The following EYS variants were observed in gnomAD, a reference collection of about 807,000 sequenced individuals.
The protein encoded by EYS is protein eyes shut homolog.
In EYS, 250 loss-of-function variants were observed where a neutral mutation model predicts 282.1. That is an observed-to-expected ratio of 0.89 (90% CI 0.80 to 0.98). The LOEUF (loss-of-function observed/expected upper bound fraction) is 0.98, where lower values mean the gene tolerates loss of function less well. Among genes scored for constraint, EYS ranks in the 50% least tolerant of loss-of-function variants. EYS has a pLI of 0.00. For missense variants in EYS, 4,016 were observed against 3,709.0 expected (o/e 1.08, Z -2.15); for synonymous variants, 1,355 against 1,282.9 (o/e 1.06, Z -1.20).
intron 29 of EYS, among the ~76,000 whole-genome samples, chr6:64,313,114 C>T (rs1392333692): frequency 2.0e-5 from 3 of 152,142 alleles, no homozygotes; most frequent in Non-Finnish European, 4.4e-5. Context: ...TAACACAATG[C>T]AAGGAAGCTA....
intron 12 of EYS, among the ~76,000 whole-genome samples, chr6:65,107,401 C>A (rs1219928589): frequency 6.6e-6 from 1 of 150,914 alleles, no homozygotes; most frequent in African/African-American, 2.4e-5. Context: ...ATAACACCTA[C>A]AATATAATTG....
chr6:64,920,528 C>G (rs934686730), intron 15 of EYS, among the ~76,000 whole-genome samples: 8 of 151,888 alleles, frequency 5.3e-5, no homozygotes, highest in African/African-American at 1.7e-4. Context: ...ATCTTTGTAG[C>G]AAGTCCAAGT....
At chr6:65,231,609 T>C (rs571096885) in intron 12 of EYS, among the ~76,000 whole-genome samples, 1 of 151,982 alleles carries the variant, frequency 6.6e-6, no homozygotes, top group East Asian at 1.9e-4. Flanking sequence ...AGGATAAATG[T>C]GCTATCAAGG....
At chr6:64,141,744 G>A (rs1379459169) in intron 31 of EYS, among the ~76,000 whole-genome samples, 1 of 152,034 alleles carries the variant, frequency 6.6e-6, no homozygotes, top group Non-Finnish European at 1.5e-5. Context: ...AAAACAATGA[G>A]CAATATTTTT....
At chr6:65,632,128 G>T (rs769949419) in intron 2 of EYS, among the ~76,000 whole-genome samples, 6 of 152,136 alleles carry the variant, frequency 3.9e-5, no homozygotes, top group Admixed American at 2.0e-4. Context: ...AATCCTGAAA[G>T]TTCTATGGAC....
intron 12 of EYS, among the ~76,000 whole-genome samples, chr6:65,223,578 T>C (rs1238703192): frequency 1.3e-5 from 2 of 152,196 alleles, no homozygotes; most frequent in Admixed American, 6.5e-5. Context: ...TGTGTTGATA[T>C]GTTTGGTGGG....
intron 31 of EYS, among the ~76,000 whole-genome samples, chr6:64,163,705 T>TA (rs1261541999): frequency 3.9e-5 from 6 of 152,118 alleles, no homozygotes; most frequent in African/African-American, 1.2e-4. Context: ...AATCTTTCTG[T>TA]AAGGCAAAAG....
intron 26 of EYS, among the ~76,000 whole-genome samples, chr6:64,565,860 A>G (rs1765549643): frequency 6.6e-6 from 1 of 151,822 alleles, no homozygotes; most frequent in Admixed American, 6.6e-5. Flanking sequence ...TGTATATCAA[A>G]ACATAACATT....
At position 65,306,832 on chromosome 6, in the gene EYS, C is replaced by CAAAAAAAAAAAAAAAAAAAAAAA. The variant is rs201743269; in HGVS notation, c.1767-10736_1767-10714dup. On this transcript the variant is annotated intron_variant, in intron 11 of 42. Coordinates refer to ENST00000503581, the MANE Select transcript of EYS (RefSeq NM_001142800.2). ...TGGGCAGCAGAGCAAGAGTCCGTCT[C>CAAAAAAAAAAAAAAAAAAAAAAA]AAAAAAAAAAAAAAAAAAAAAAAAA... Among the ~76,000 whole-genome samples the CAAAAAAAAAAAAAAAAAAAAAAA allele has an allele frequency of 4.8e-3, 249 of 51,762 alleles. 5 individuals carry two copies. The highest frequency in any genetic ancestry group is 0.017 in the Middle Eastern group (1 of 60). The allele number at this position is 51,762 out of a possible 152,430, so 34.0% of individuals were successfully genotyped here.
At chr6:64,068,303 A>T (rs1014276786) in intron 32 of EYS, among the ~76,000 whole-genome samples, 1 of 151,886 alleles carries the variant, frequency 6.6e-6, no homozygotes, top group Admixed American at 6.6e-5. Context: ...GCTCATATTT[A>T]TATTTAGTTG....
chr6:65,010,439 C>A (rs542013163), intron 13 of EYS, among the ~76,000 whole-genome samples: 1 of 152,314 alleles, frequency 6.6e-6, no homozygotes, highest in Admixed American at 6.5e-5. Flanking sequence ...TTGTGCAACT[C>A]TTAACCCAGC....
intron 12 of EYS, among the ~76,000 whole-genome samples, chr6:65,157,387 C>T (rs1187215694): frequency 6.6e-6 from 1 of 150,426 alleles, no homozygotes; most frequent in East Asian, 2.0e-4. Context: ...TAATTATTTC[C>T]CAGATTTTTC....
At chr6:65,306,887 C>A (rs1769026599) in intron 11 of EYS, among the ~76,000 whole-genome samples, 1 of 134,798 alleles carries the variant, frequency 7.4e-6, no homozygotes, top group Admixed American at 7.6e-5. Context: ...TGTAGTCTTC[C>A]TCTGGAAAGC....
intron 31 of EYS, among the ~76,000 whole-genome samples, chr6:64,177,015 C>CA (rs536660661): frequency 5.9e-4 from 80 of 134,636 alleles, no homozygotes; most frequent in African/African-American, 2.2e-3. Flanking sequence ...TTGTTGCTAT[C>CA]AATGATATTT....
At chr6:65,222,289 C>G (rs1478933243) in intron 12 of EYS, among the ~76,000 whole-genome samples, 2 of 152,078 alleles carry the variant, frequency 1.3e-5, no homozygotes, top group Non-Finnish European at 2.9e-5. Context: ...GTAATAATCC[C>G]CATGTGTCTT....
At chr6:65,604,838 C>CCCG (rs1765729355) in intron 2 of EYS, among the ~76,000 whole-genome samples, 1 of 101,540 alleles carries the variant, frequency 9.8e-6, no homozygotes, top group Admixed American at 1.2e-4. Context: ...AAATTCACTG[C>CCCG]CCCCTTTTTT....
chr6:65,097,849 AG>A (rs1050682512), intron 12 of EYS, among the ~76,000 whole-genome samples: 2 of 150,856 alleles, frequency 1.3e-5, no homozygotes, highest in African/African-American at 4.8e-5. Context: ...ACTGGGTAGA[AG>A]GGAAAATGGG....
chr6:64,468,537 T>G (rs1272601146), intron 26 of EYS, among the ~76,000 whole-genome samples: 2 of 152,206 alleles, frequency 1.3e-5, no homozygotes, highest in African/African-American at 4.8e-5. Flanking sequence ...GGGGTACGTG[T>G]GCAAGTTTGT....
chr6:64,001,450 CT>C (rs550606770), intron 33 of EYS, among the ~76,000 whole-genome samples: 65 of 151,398 alleles, frequency 4.3e-4, no homozygotes, highest in Non-Finnish European at 8.4e-4. Flanking sequence ...ATGCAACCGA[CT>C]TTTTTTTTCA....
Sources: allele counts gnomAD v4.1 joint callset (sites outside exome capture counted in the v4.1 genomes callset), GRCh38; gene constraint gnomAD v4.1.1; transcripts MANE v1.5; gene names NCBI Gene and HGNC (gene_info 2026-07-23, HGNC 2026-07-21).